CTNNBL1: variants seen among roughly 807,000 people sequenced by gnomAD.
The protein encoded by CTNNBL1 is catenin beta like 1.
In CTNNBL1, 31 loss-of-function variants were observed where a neutral mutation model predicts 72.7. The ratio of observed to expected loss-of-function variants is 0.43; its 90% CI spans 0.32 to 0.58. The LOEUF (loss-of-function observed/expected upper bound fraction) is 0.58. Ranked by LOEUF, CTNNBL1 falls within the 20% of genes least tolerant of loss-of-function variation. CTNNBL1 has a pLI of 0.08. For synonymous variants in CTNNBL1, 240 were observed against 267.3 expected, an observed-to-expected ratio of 0.90 and a Z score of 1.00; for missense variants, 534 against 725.1, an observed-to-expected ratio of 0.74 and a Z score of 3.03.
chr20:37,724,136 A>G (rs540485212), intron 1 of CTNNBL1, among the ~76,000 whole-genome samples: 1 of 152,352 alleles, frequency 6.6e-6, no homozygotes, highest in East Asian at 1.9e-4. Context: ...GGTTAGACCA[A>G]TGCATCCACA....
intron 11 of CTNNBL1, among the ~76,000 whole-genome samples, chr20:37,808,459 G>T (rs2071979916): frequency 6.6e-6 from 1 of 152,208 alleles, no homozygotes; most frequent in African/African-American, 2.4e-5. Context: ...TTTGAGGCCA[G>T]CTTTTACTGG....
intron 3 of CTNNBL1, among the ~76,000 whole-genome samples, chr20:37,742,385 G>A (rs1375234434): frequency 6.6e-6 from 1 of 152,192 alleles, no homozygotes; most frequent in African/African-American, 2.4e-5. Context: ...TGGATGTCCA[G>A]AGATGAATAA....
At chr20:37,787,318 T>G (rs751539950) in intron 10 of CTNNBL1, among the ~76,000 whole-genome samples, 10 of 151,488 alleles carry the variant, frequency 6.6e-5, no homozygotes, top group Non-Finnish European at 1.2e-4. Flanking sequence ...TACGTGTAAC[T>G]CTTGTTAAAG....
Position 37,700,875 on chromosome 20 carries a change from C to A in CTNNBL1, c.30+6723C>A, listed in dbSNP as rs548063978. On this transcript the variant is annotated intron_variant, in intron 1 of 15. Transcript: ENST00000361383. ...GTTTTGGTGATATTGCAGACACCCA[C>A]TCCTCTTGTCCTCTATCAGTAATAT... 2.0e-5 allele frequency among the ~76,000 whole-genome samples: 3 copies of A among 152,304 alleles called. No individual in the cohort carries two copies. In the East Asian group the frequency reaches 5.8e-4, roughly 29 times the overall value.
chr20:37,752,227 G>A (rs1249230374), intron 4 of CTNNBL1, among the ~76,000 whole-genome samples: 2 of 152,066 alleles, frequency 1.3e-5, no homozygotes, highest in Non-Finnish European at 2.9e-5. Flanking sequence ...ATTTAAGAAG[G>A]ACTTAATAAA....
chr20:37,767,062 T>C (rs765745326), intron 6 of CTNNBL1, among the ~76,000 whole-genome samples: 9 of 151,874 alleles, frequency 5.9e-5, no homozygotes, highest in Non-Finnish European at 1.0e-4. Context: ...GGCAAAGGAG[T>C]GAGAAAGAAG....
chr20:37,750,617 GA>G (rs1417221594), intron 4 of CTNNBL1: 3 of 152,124 alleles, frequency 2.0e-5, no homozygotes, highest in Non-Finnish European at 4.4e-5. Context: ...AAGGAACAAG[GA>G]GGAATAAAAG....
chr20:37,864,517 G>C (rs1183267164), intron 15 of CTNNBL1, among the ~76,000 whole-genome samples: 1 of 152,106 alleles, frequency 6.6e-6, no homozygotes, highest in African/African-American at 2.4e-5. Context: ...TATTGGGGGT[G>C]CCAAGAGCGC....
In CTNNBL1 at chr20:37,757,578, C is replaced by T. The variant is rs778652478; in HGVS notation, c.486C>T (p.Val162=). ...HDNTDVSIAV[V]DLLQELTDID... ...TTTCACATGTGTCCATAGCTGTGGT[C>T]GATTTGCTTCAGGAATTAACAGATA... The change falls in exon 5 of 16, where the codon GTC becomes GTT. Residue 162 remains valine (V), a synonymous_variant. Transcript: ENST00000361383. 17 of 1,613,390 alleles carry T rather than the reference C, an allele frequency of 1.1e-5. No homozygotes were observed. The highest frequency in any genetic ancestry group is 1.4e-5 in the Non-Finnish European group (17 of 1,179,552).
chr20:37,732,901 C>T lies in CTNNBL1; in HGVS notation c.53C>T (p.Pro18Leu), dbSNP rs1376090498. Reference protein sequence around the residue: ...SYQPNRGTKRPRDDEEEEQKM... With the variant: ...SYQPNRGTKRLRDDEEEEQKM... ...CAGCCCAATAGGGGCACAAAACGTC[C>T]CCGGGATGATGAAGAGGAGGAGCAG... The change falls in exon 2 of 16, where the codon CCC becomes CTC. Residue 18 changes from proline to leucine, a missense_variant. By Grantham distance (98) the Pro-to-Leu change is moderately conservative. Coordinates refer to ENST00000361383, the MANE Select transcript of CTNNBL1 (RefSeq NM_030877.5). 1.9e-6 allele frequency: 3 copies of T among 1,613,572 alleles called. No individual in the cohort carries two copies. The highest frequency in any genetic ancestry group is 2.5e-6 in the Non-Finnish European group (3 of 1,179,978).
At chr20:37,723,739 C>T (rs1334077995) in intron 1 of CTNNBL1, among the ~76,000 whole-genome samples, 2 of 152,216 alleles carry the variant, frequency 1.3e-5, no homozygotes, top group African/African-American at 4.8e-5. Context: ...ATCATCACAA[C>T]AACCCTTTGA....
intron 10 of CTNNBL1, among the ~76,000 whole-genome samples, chr20:37,788,055 A>G (rs953520387): frequency 2.0e-5 from 3 of 152,000 alleles, no homozygotes; most frequent in Non-Finnish European, 4.4e-5. Context: ...TATTATTTTG[A>G]TGACTCACTT....
intron 15 of CTNNBL1, among the ~76,000 whole-genome samples, chr20:37,869,805 G>C (rs1386089269): frequency 1.3e-5 from 2 of 152,178 alleles, no homozygotes; most frequent in East Asian, 3.9e-4. Flanking sequence ...AACATTTTCA[G>C]AGGGGACCAC....
At chr20:37,863,219 C>T (rs1164250006) in intron 15 of CTNNBL1, among the ~76,000 whole-genome samples, 6 of 152,178 alleles carry the variant, frequency 3.9e-5, no homozygotes, top group Non-Finnish European at 8.8e-5. Flanking sequence ...ATGGAGTTTA[C>T]AGCCTTCCAG....
At chr20:37,716,193 G>A (rs2072984993) in intron 1 of CTNNBL1, among the ~76,000 whole-genome samples, 1 of 152,124 alleles carries the variant, frequency 6.6e-6, no homozygotes, top group African/African-American at 2.4e-5. Context: ...TATGCATTTT[G>A]CCTATTTGGT....
rs1433557628 is a variant in CTNNBL1, at chr20:37,859,984, T to A, written c.1478T>A (p.Leu493His). 1.2e-6 allele frequency: 2 copies of A among 1,614,196 alleles called. No individual in the cohort carries two copies. Among genetic ancestry groups the A allele is most frequent in the African/African-American group, 2.7e-5 (2 of 75,050 alleles). Reference sequence around the variant, plus strand: ...CGCCTGGATGCGGGGCTCTTTGTTCTCCAGCACATCTGCTACATCATGGCC... The same window carrying A: ...CGCCTGGATGCGGGGCTCTTTGTTCACCAGCACATCTGCTACATCATGGCC... ...LRRLDAGLFV[L>H]QHICYIMAEI... Residue 493 changes from leucine to histidine, a missense_variant, in exon 14 of 16, where the codon CTC becomes CAC. Physicochemically the swap from Leu to His is moderately conservative, Grantham distance 99. Coordinates refer to ENST00000361383, the MANE Select transcript of CTNNBL1 (RefSeq NM_030877.5).
chr20:37,746,356 G>T, intron 3 of CTNNBL1, 112 bp from the exon 4 acceptor site: 1 of 1,069,552 alleles, frequency 9.3e-7, no homozygotes, highest in Non-Finnish European at 1.4e-6. Flanking sequence ...CTTCTTGGTT[G>T]GTCTGTTGTA....
chr20:37,833,626 C>T lies in CTNNBL1; in HGVS notation c.1214-6476C>T, dbSNP rs1288792154. ...TGTTTTCTGCACTTCCTGGGCCCTC[C>T]CTTAGAGGCTGTTCTCTGCAGTGGG... On this transcript the variant is annotated intron_variant, in intron 11 of 15. Transcript: ENST00000361383. Among the ~76,000 whole-genome samples, 4 of 152,130 alleles carry T rather than the reference C, an allele frequency of 2.6e-5. No individual in the cohort carries two copies. The East Asian group carries it at 7.7e-4, about 29-fold the overall frequency.
At chr20:37,746,226 C>T (rs1036843499) in intron 3 of CTNNBL1, among the ~76,000 whole-genome samples, 18 of 152,140 alleles carry the variant, frequency 1.2e-4, no homozygotes, top group African/African-American at 4.1e-4. Context: ...TGAAAGGCAG[C>T]TTGTGACTGC....
Sources: allele counts gnomAD v4.1 joint callset (sites outside exome capture counted in the v4.1 genomes callset), GRCh38; gene constraint gnomAD v4.1.1; transcripts MANE v1.5; gene names NCBI Gene and HGNC (gene_info 2026-07-23, HGNC 2026-07-21).